Variants in CENPT observed in about 807,000 individuals in gnomAD.
The protein encoded by CENPT is centromere protein T.
CENPT carries 42 observed loss-of-function variants against 59.7 expected under a neutral mutation model. That is an observed-to-expected ratio of 0.70 (90% confidence interval 0.55 to 0.91). The LOEUF is 0.91. CENPT is among the 40% of genes least tolerant of loss of function. The probability of loss-of-function intolerance (pLI) is 0.00; values close to 1 mark genes in which losing one functional copy is unlikely to be tolerated. For missense variants in CENPT, 716 were observed against 713.4 expected, an observed-to-expected ratio of 1.00 and a Z score of -0.04; for synonymous variants, 295 against 289.6, an observed-to-expected ratio of 1.02 and a Z score of -0.19.
intron 4 of CENPT, among the ~76,000 whole-genome samples, chr16:67,832,914 C>T (rs1408755073): frequency 6.6e-6 from 1 of 152,150 alleles, no homozygotes; most frequent in Admixed American, 6.5e-5. Context: ...ATGATGGATA[C>T]TAAAGTATTT....
Sources: gnomAD v4.1 joint callset for allele counts (sites outside exome capture counted in the v4.1 genomes callset) on GRCh38, gnomAD v4.1.1 for gene constraint, MANE v1.5 for transcripts, NCBI Gene and HGNC (gene_info 2026-07-23, HGNC 2026-07-21) for gene names.